UBTD1: variants seen among roughly 807,000 people sequenced by gnomAD.
The protein encoded by UBTD1 is ubiquitin domain containing 1, also known as ubiquitin domain-containing protein 1.
A neutral mutation model predicts 21.7 loss-of-function variants in UBTD1; 19 were observed. That is an observed-to-expected ratio of 0.87 (90% CI 0.61 to 1.28). UBTD1 has a LOEUF of 1.28. UBTD1 is among the 50% of genes most tolerant of loss of function. The probability of loss-of-function intolerance (pLI) is 0.00; values close to 1 mark genes in which losing one functional copy is unlikely to be tolerated. For synonymous variants in UBTD1, 116 were observed against 135.1 expected (o/e 0.86, Z 0.98); for missense variants, 282 against 315.1 (o/e 0.89, Z 0.80).
intron 1 of UBTD1, among the ~76,000 whole-genome samples, chr10:97,545,409 T>TGTGTGG (rs2040605726): frequency 4.4e-5 from 3 of 68,790 alleles, no homozygotes; most frequent in African/African-American, 1.6e-4. Flanking sequence ...TGTGTGTGTG[T>TGTGTGG]GGGTGTGGGT....
chr10:97,520,725 T>C (rs2040463485), intron 1 of UBTD1, among the ~76,000 whole-genome samples: 1 of 152,052 alleles, frequency 6.6e-6, no homozygotes, highest in South Asian at 2.1e-4. Flanking sequence ...TTGGGTGAAT[T>C]AGAGAAAGAT....
chr10:97,550,109 A>G (rs564012907), intron 1 of UBTD1, among the ~76,000 whole-genome samples: 3 of 152,274 alleles, frequency 2.0e-5, no homozygotes, highest in Non-Finnish European at 4.4e-5. Flanking sequence ...TGTTGGGACA[A>G]GGAGGCTCTT....
At chr10:97,502,580 G>A (rs892280857) in intron 1 of UBTD1, among the ~76,000 whole-genome samples, 3 of 152,110 alleles carry the variant, frequency 2.0e-5, no homozygotes, top group African/African-American at 7.2e-5. Context: ...TTCAGAAAGG[G>A]GGAGGGTTAT....
intron 1 of UBTD1, among the ~76,000 whole-genome samples, chr10:97,517,188 G>A (rs1378869791): frequency 6.6e-6 from 1 of 152,176 alleles, no homozygotes; most frequent in Non-Finnish European, 1.5e-5. Flanking sequence ...CCCGAACTTT[G>A]GCGACAGTCT....
chr10:97,513,749 G>C (rs190832023), intron 1 of UBTD1, among the ~76,000 whole-genome samples: 1 of 152,216 alleles, frequency 6.6e-6, no homozygotes, highest in Admixed American at 6.5e-5. Flanking sequence ...GTCTTATTCT[G>C]TTGCCCAGGT....
chr10:97,555,176 A>G (rs1480966227), intron 1 of UBTD1, among the ~76,000 whole-genome samples: 2 of 152,200 alleles, frequency 1.3e-5, no homozygotes, highest in East Asian at 3.9e-4. Context: ...GTCACTGTAT[A>G]ATGATTGTGA....
Position 97,553,063 on chromosome 10 carries a change from G to A in UBTD1, c.71-14851G>A, listed in dbSNP as rs527722190. On this transcript the variant is annotated intron_variant, in intron 1 of 2. Transcript: ENST00000370664. The stretch of plus-strand genomic sequence containing the variant: ...ACCTCGCAGAGGCGTGCACCAATTT[G>A]TGCAGCATATGAATGTTCACACTTT... 2.0e-5 allele frequency among the ~76,000 whole-genome samples: 3 copies of A among 152,370 alleles called. No homozygotes were observed. In the South Asian group the frequency reaches 6.2e-4, roughly 32 times the overall value.
intron 1 of UBTD1, among the ~76,000 whole-genome samples, chr10:97,560,695 TG>T (rs1234975514): frequency 6.6e-6 from 1 of 152,152 alleles, no homozygotes; most frequent in African/African-American, 2.4e-5. Context: ...GTTTTCCTGG[TG>T]TCACAGTAGC....
chr10:97,512,779 G>A (rs1472342190), intron 1 of UBTD1, among the ~76,000 whole-genome samples: 1 of 152,208 alleles, frequency 6.6e-6, no homozygotes, highest in African/African-American at 2.4e-5. Context: ...GAAGTGTTCA[G>A]CCTGCTGCTT....
chr10:97,536,826 A>T (rs2040563956), intron 1 of UBTD1, among the ~76,000 whole-genome samples: 1 of 151,892 alleles, frequency 6.6e-6, no homozygotes, highest in African/African-American at 2.4e-5. Context: ...AATCTCCTTT[A>T]TGCCACTTCC....
intron 1 of UBTD1, among the ~76,000 whole-genome samples, chr10:97,542,628 G>C (rs1473311624): frequency 1.3e-5 from 2 of 152,184 alleles, no homozygotes; most frequent in African/African-American, 4.8e-5. Flanking sequence ...GGCCTTCCCT[G>C]TTGGGAAGGA....
intron 1 of UBTD1, among the ~76,000 whole-genome samples, chr10:97,548,751 T>C (rs1305225337): frequency 6.6e-6 from 1 of 152,216 alleles, no homozygotes; most frequent in Non-Finnish European, 1.5e-5. Context: ...TACTCTGGTC[T>C]GGGCAACAGA....
intron 1 of UBTD1, among the ~76,000 whole-genome samples, chr10:97,500,535 CT>C (rs1179327176): frequency 6.6e-6 from 1 of 152,262 alleles, no homozygotes; most frequent in African/African-American, 2.4e-5. Context: ...AAACCAAGGG[CT>C]GGCTTGCTTT....
intron 1 of UBTD1, among the ~76,000 whole-genome samples, chr10:97,520,501 T>G (rs909932877): frequency 6.6e-6 from 1 of 152,070 alleles, no homozygotes; most frequent in Non-Finnish European, 1.5e-5. Context: ...ACTCAGGTAA[T>G]CAAAATGTAA....
At chr10:97,555,031 G>T (rs1470454737) in intron 1 of UBTD1, among the ~76,000 whole-genome samples, 1 of 152,214 alleles carries the variant, frequency 6.6e-6, no homozygotes, top group Non-Finnish European at 1.5e-5. Context: ...GACGAGACCA[G>T]TAAGAAGTGC....
At chr10:97,550,271 G>GTGGAACAGCTTGGGGATTGCC (rs1302152210) in intron 1 of UBTD1, among the ~76,000 whole-genome samples, 2 of 152,224 alleles carry the variant, frequency 1.3e-5, no homozygotes, top group African/African-American at 4.8e-5. Flanking sequence ...GTAACCGAGT[G>GTGGAACAGCTTGGGGATTGCC]TGGAACAGCT....
chr10:97,515,225 A>C (rs529251898), intron 1 of UBTD1, among the ~76,000 whole-genome samples: 2 of 152,296 alleles, frequency 1.3e-5, no homozygotes, highest in South Asian at 4.1e-4. Context: ...CAAAGAAGAG[A>C]TGAAAATGAG....
At chr10:97,532,819 A>C (rs1421517224) in intron 1 of UBTD1, among the ~76,000 whole-genome samples, 1 of 150,382 alleles carries the variant, frequency 6.6e-6, no homozygotes, top group East Asian at 1.9e-4. Flanking sequence ...AGAAAGAAAG[A>C]AAGCCTTGTT....
intron 1 of UBTD1, among the ~76,000 whole-genome samples, chr10:97,529,183 G>A (rs1377517052): frequency 1.3e-5 from 2 of 151,352 alleles, no homozygotes; most frequent in African/African-American, 2.4e-5. Context: ...GGGCAGAGAC[G>A]CTCCTCACTT....
Sources: gnomAD v4.1 joint callset for allele counts (sites outside exome capture counted in the v4.1 genomes callset) on GRCh38, gnomAD v4.1.1 for gene constraint, MANE v1.5 for transcripts, NCBI Gene and HGNC (gene_info 2026-07-23, HGNC 2026-07-21) for gene names.